Variants in LPIN3 observed in about 807,000 individuals in gnomAD.
LPIN3 encodes the protein phosphatidate phosphatase LPIN3.
Under a neutral mutation model 94.7 loss-of-function variants are expected in LPIN3, and 82 were observed. The observed-to-expected ratio is 0.87, with a 90% CI of 0.72 to 1.04. The LOEUF is 1.04. Ranked by LOEUF, LPIN3 falls within the 50% of genes least tolerant of loss-of-function variation. The pLI is 0.00. For missense variants in LPIN3, 996 were observed against 1,090.5 expected (o/e 0.91, Z 1.22); for synonymous variants, 418 against 443.3 (o/e 0.94, Z 0.72).
In LPIN3 at chr20:41,352,114, G is replaced by A; in HGVS notation, c.1257G>A (p.Leu419=). 6.2e-7 allele frequency: 1 copy of A among 1,614,242 alleles called. No homozygotes were observed. Among genetic ancestry groups the A allele is most frequent in the Non-Finnish European group, 8.5e-7 (1 of 1,180,042 alleles). The change falls in exon 9 of 20, where the codon CTG becomes CTA. Residue 419 remains leucine, a synonymous_variant. Coordinates refer to ENST00000373257, the MANE Select transcript of LPIN3 (RefSeq NM_022896.3). Reference sequence around the variant, plus strand: ...GTGAACCCAGCAGTCAGAAGTCCCTGAGGGACCCCAACCCTGAACATGAAC... The same window carrying A: ...GTGAACCCAGCAGTCAGAAGTCCCTAAGGGACCCCAACCCTGAACATGAAC... The part of the protein sequence containing the change: ...RWSEPSSQKS[L]RDPNPEHEPE...
chr20:41,343,866 C>T (rs1410644219), intron 1 of LPIN3, among the ~76,000 whole-genome samples: 3 of 152,106 alleles, frequency 2.0e-5, no homozygotes, highest in Admixed American at 6.6e-5. Flanking sequence ...TTGAGACCAA[C>T]GTGGGCAACA....
chr20:41,349,744 G>A, intron 5 of LPIN3, 30 bp from the exon 6 acceptor site: 1 of 1,598,486 alleles, frequency 6.3e-7, no homozygotes, highest in Non-Finnish European at 8.5e-7. Flanking sequence ...GGGTAGGCAG[G>A]CTCAAGGCCT....
rs778377055 is a variant in LPIN3, at chr20:41,347,568, A to G, written c.209A>G (p.Asn70Ser). The change falls in exon 3 of 20, where the codon AAT becomes AGT. Residue 70 changes from asparagine to serine, a missense_variant. Transcript: ENST00000373257. ...CATTTGCAGGTAGACATTGAGCTCA[A>G]TGGGGAGCCTGTGGACTTGCACATG... is the stretch of plus-strand genomic sequence containing the variant. ...SREKVVDIEL[N>S]GEPVDLHMKL... The G allele has an allele frequency of 5.9e-5, 95 of 1,614,048 alleles. 1 individual carries two copies. The Middle Eastern group carries it at 8.2e-4, about 14-fold the overall frequency.
intron 9 of LPIN3, 60 bp from the exon 10 acceptor site, chr20:41,352,546 T>C: frequency 6.9e-7 from 1 of 1,451,014 alleles, no homozygotes; most frequent in South Asian, 1.2e-5. Flanking sequence ...ACCAGGGGGC[T>C]GGGGCAGCGG....
chr20:41,358,037 A>G lies in LPIN3; in HGVS notation c.2192+3A>G. The G allele has an allele frequency of 6.3e-7, 1 of 1,596,834 alleles. No homozygotes were observed. The highest frequency in any genetic ancestry group is 1.3e-5 in the African/African-American group (1 of 74,622). On this transcript the variant is annotated splice_donor_region_variant and intron_variant, in intron 17 of 19. Transcript: ENST00000373257. The stretch of plus-strand genomic sequence containing the variant: ...AGCCTCTTCTCTGCCCTCCACAGGT[A>G]ACCACCCCTACACATACAAGCCCGT...
Position 41,350,127 on chromosome 20 carries a change from G to T in LPIN3, c.832G>T (p.Gly278Ter), listed in dbSNP as rs750083927. 2 of 1,612,490 alleles carry T rather than the reference G, an allele frequency of 1.2e-6. No homozygotes were observed. The highest frequency in any genetic ancestry group is 1.7e-6 in the Non-Finnish European group (2 of 1,179,478). Residue 278 changes from glycine (G) to a stop codon, truncating the protein, a stop_gained, in exon 7 of 20, where the codon GGA becomes TGA. Transcript: ENST00000373257. LOFTEE classifies it high-confidence loss of function. ...GRAGATSPPR[G>*]GPSTPSTSVA... is the part of the protein sequence containing the mutation. The stretch of plus-strand genomic sequence containing the variant: ...AGCTGGGGCAACCTCTCCTCCTCGG[G>T]GAGGACCCAGCACTCCCTCTACCTC...
intron 13 of LPIN3, 103 bp downstream of exon 13, chr20:41,354,966 T>TG: frequency 2.6e-6 from 3 of 1,162,036 alleles, no homozygotes; most frequent in African/African-American, 1.7e-5. Context: ...TCTCCAGCTG[T>TG]GGGTTTTTTT....
At position 41,351,090 on chromosome 20, in the gene LPIN3, A is replaced by AT. The variant is rs1569000963; in HGVS notation, c.1102+693_1102+694insT. ...GAACCCATCTCTACAAAAAAAAAAAAATTTTTTTTTTAACTAGCCAGGCAT... is the reference window on the plus strand; with the variant it reads ...GAACCCATCTCTACAAAAAAAAAAAATATTTTTTTTTTAACTAGCCAGGCAT... On this transcript the variant is annotated intron_variant, in intron 7 of 19. Coordinates refer to ENST00000373257, the MANE Select transcript of LPIN3 (RefSeq NM_022896.3). Among the ~76,000 whole-genome samples the AT allele has an allele frequency of 2.1e-4, 29 of 137,442 alleles. No individual in the cohort carries two copies. In the East Asian group the frequency reaches 3.3e-3, roughly 16 times the overall value. The allele number at this position is 137,442 out of a possible 152,430, so 90.2% of individuals were successfully genotyped here. A position where few individuals can be genotyped will look rare whatever the true frequency, so the allele number is the denominator to read the frequency against.
chr20:41,347,208 G>A (rs138082594), intron 2 of LPIN3, among the ~76,000 whole-genome samples: 78 of 152,328 alleles, frequency 5.1e-4, no homozygotes, highest in East Asian at 4.4e-3. Flanking sequence ...GAGAGACCAC[G>A]TCCCTATTCT....
rs2046301229 is a variant in LPIN3, at chr20:41,358,608, G to GC, written c.2411+70dup. 4 of 1,604,368 alleles carry GC rather than the reference G, an allele frequency of 2.5e-6. No homozygotes were observed. The Admixed American group carries it at 5.0e-5, about 20-fold the overall frequency. ...TCCCCCTGCCCTGGCTTCTCCCTGG[G>GC]CCCCAATTTTACCTCTTACCGGGGA... On this transcript the variant is annotated intron_variant, in intron 19 of 19. Transcript: ENST00000373257.
rs373067875 is a variant in LPIN3, at chr20:41,350,083, C to T, written c.788C>T (p.Ser263Leu). The change falls in exon 7 of 20, where the codon TCA (serine) becomes TTA (leucine). Residue 263 changes from serine (S) to leucine (L), a missense_variant. Coordinates refer to ENST00000373257, the MANE Select transcript of LPIN3 (RefSeq NM_022896.3). ...GCCAGAGCTGAGCGGCCCGAGTCCTCAGTGGTCCTTGAAGGCAGAGCTGGG... is the reference window on the plus strand; with the variant it reads ...GCCAGAGCTGAGCGGCCCGAGTCCTTAGTGGTCCTTGAAGGCAGAGCTGGG... The part of the protein sequence containing the change: ...KVARAERPES[S>L]VVLEGRAGAT... 9.3e-6 allele frequency: 15 copies of T among 1,607,282 alleles called. No individual in the cohort carries two copies. The African/African-American group carries it at 1.5e-4, about 16-fold the overall frequency.
intron 1 of LPIN3, 121 bp from the exon 2 acceptor site, chr20:41,345,675 C>G (rs955810310): frequency 9.6e-7 from 1 of 1,043,112 alleles, no homozygotes; most frequent in African/African-American, 1.6e-5. Context: ...GCCATCTGTG[C>G]AAAGGCACTC....
chr20:41,349,897 G>A lies in LPIN3; in HGVS notation c.759+3G>A, dbSNP rs748973398. 4 of 1,611,742 alleles carry A rather than the reference G, an allele frequency of 2.5e-6. No individual in the cohort carries two copies. In the East Asian group the frequency reaches 6.7e-5, roughly 27 times the overall value. On this transcript the variant is annotated splice_donor_region_variant and intron_variant, in intron 6 of 19. Transcript: ENST00000373257. ...GGGCCTGGGGGAGGCTGCCTAAGGT[G>A]AGTCCCTCTGTATCAACCCCAGGCC...
intron 11 of LPIN3, among the ~76,000 whole-genome samples, chr20:41,354,153 C>G (rs2046124461): frequency 6.6e-6 from 1 of 152,164 alleles, no homozygotes; most frequent in African/African-American, 2.4e-5. Context: ...CAACTTGCCC[C>G]CAACCAGACA....
chr20:41,350,012 G>A, intron 6 of LPIN3, 43 bp from the exon 7 acceptor site: 2 of 1,564,704 alleles, frequency 1.3e-6, no homozygotes, highest in South Asian at 1.2e-5. Flanking sequence ...TGGGGCATGG[G>A]CCTTACCCTG....
intron 11 of LPIN3, among the ~76,000 whole-genome samples, chr20:41,354,168 T>G (rs2046125234): frequency 6.6e-6 from 1 of 152,190 alleles, no homozygotes; most frequent in South Asian, 2.1e-4. Flanking sequence ...CAGACAGTTA[T>G]GGTAACATAC....
chr20:41,352,542 G>C, intron 9 of LPIN3, 64 bp from the exon 10 acceptor site: 1 of 1,401,124 alleles, frequency 7.1e-7, no homozygotes, highest in Non-Finnish European at 1.0e-6. Flanking sequence ...GAGCACCAGG[G>C]GGCTGGGGCA....
intron 11 of LPIN3, 83 bp from the exon 12 acceptor site, chr20:41,354,562 T>C (rs2046139069): frequency 5.8e-6 from 8 of 1,368,060 alleles, no homozygotes; most frequent in East Asian, 2.4e-5. Context: ...TCTGGGCTCA[T>C]GCGTGGAGGG....
chr20:41,357,470 G>T, intron 16 of LPIN3, 23 bp downstream of exon 16: 1 of 1,566,018 alleles, frequency 6.4e-7, no homozygotes. Context: ...GCTGGGGCTG[G>T]GGCTGAGGCG....
Sources: allele counts gnomAD v4.1 joint callset (sites outside exome capture counted in the v4.1 genomes callset), GRCh38; gene constraint gnomAD v4.1.1; transcripts MANE v1.5; gene names NCBI Gene and HGNC (gene_info 2026-07-23, HGNC 2026-07-21).